PRKG1: variants seen among roughly 807,000 people sequenced by gnomAD.
PRKG1 encodes the protein protein kinase cGMP-dependent 1.
Under a neutral mutation model 88.1 loss-of-function variants are expected in PRKG1, and 35 were observed. The ratio of observed to expected loss-of-function variants is 0.40; its 90% confidence interval spans 0.30 to 0.53. The LOEUF (loss-of-function observed/expected upper bound fraction) is 0.53, where lower values mean the gene tolerates loss of function less well. Ranked by LOEUF, PRKG1 falls within the 20% of genes least tolerant of loss-of-function variation. The pLI, the probability that PRKG1 is intolerant of heterozygous loss-of-function variation, is 0.59. For missense variants in PRKG1, 540 were observed against 839.8 expected (o/e 0.64, Z 4.41); for synonymous variants, 303 against 292.5 (o/e 1.04, Z -0.37).
chr10:51,150,219 C>T (rs1046590249), intron 1 of PRKG1, among the ~76,000 whole-genome samples: 3 of 151,980 alleles, frequency 2.0e-5, no homozygotes, highest in African/African-American at 7.2e-5. Flanking sequence ...CTTGTGATAT[C>T]GGCTTTCCCC....
At chr10:51,996,531 G>A (rs909792100) in intron 5 of PRKG1, among the ~76,000 whole-genome samples, 2 of 151,956 alleles carry the variant, frequency 1.3e-5, no homozygotes, top group African/African-American at 2.4e-5. Context: ...TGAAATGAAT[G>A]CTTAACTACT....
intron 7 of PRKG1, among the ~76,000 whole-genome samples, chr10:52,075,722 G>A (rs1846611804): frequency 6.6e-6 from 1 of 152,194 alleles, no homozygotes; most frequent in African/African-American, 2.4e-5. Context: ...AGGTCAAGAT[G>A]CTAACATTGT....
intron 7 of PRKG1, among the ~76,000 whole-genome samples, chr10:52,122,869 A>G (rs1353265814): frequency 6.6e-6 from 1 of 152,240 alleles, no homozygotes; most frequent in Non-Finnish European, 1.5e-5. Flanking sequence ...ATTCATTCAA[A>G]TGTGGAATAT....
intron 4 of PRKG1, among the ~76,000 whole-genome samples, chr10:51,829,855 T>C (rs1350628637): frequency 6.6e-6 from 1 of 152,214 alleles, no homozygotes; most frequent in Non-Finnish European, 1.5e-5. Flanking sequence ...ACCCTACCAC[T>C]GTCTTGTTCC....
chr10:51,205,667 C>G (rs568055404), intron 2 of PRKG1, among the ~76,000 whole-genome samples: 18 of 152,024 alleles, frequency 1.2e-4, no homozygotes, highest in African/African-American at 4.1e-4. Flanking sequence ...TCCTGAGTAG[C>G]TGGGACTAGA....
chr10:52,154,657 A>T lies in PRKG1; in HGVS notation c.1002-7232A>T, dbSNP rs914468555. On this transcript the variant is annotated intron_variant, in intron 8 of 17. Transcript: ENST00000373980. ...TATTAAGATGCATATATTCCTTTTT[A>T]TTTCAATATTTTTGGAGTACAGGTG... is the stretch of plus-strand genomic sequence containing the variant. Among the ~76,000 whole-genome samples, 3 of 151,994 alleles carry T rather than the reference A, an allele frequency of 2.0e-5. No individual in the cohort carries two copies. In the East Asian group the frequency reaches 5.8e-4, roughly 29 times the overall value.
At position 52,297,390 on chromosome 10, in the gene PRKG1, A is replaced by C. The variant is rs1167394220; in HGVS notation, c.*3490A>C. On this transcript the variant is annotated 3_prime_UTR_variant, in exon 18 of 18. Transcript: ENST00000373980. ...TTCATGGCATCCTATTAAAAAAACAAATTTGGTGTTATGCTGCATGACAAA... is the reference window on the plus strand; with the variant it reads ...TTCATGGCATCCTATTAAAAAAACACATTTGGTGTTATGCTGCATGACAAA... 2.0e-5 allele frequency: 3 copies of C among 152,134 alleles called. No individual in the cohort carries two copies. Among genetic ancestry groups the C allele is most frequent in the Non-Finnish European group, 4.4e-5 (3 of 68,014 alleles). The allele number at this position is 152,134 out of a possible 1,614,324, so 9.4% of individuals were successfully genotyped here.
rs142098857 is a variant in PRKG1, at chr10:51,466,845, G to A, written c.479-878G>A. Among the ~76,000 whole-genome samples the A allele has an allele frequency of 5.0e-3, 759 of 152,126 alleles. 3 individuals carry two copies. The highest frequency in any genetic ancestry group is 0.017 in the African/African-American group (722 of 41,548). ...AAACACAAGCTAACTCTCTTGCCAG[G>A]CATTAAGCTTCTCTTCTGTAGACTG... On this transcript the variant is annotated intron_variant, in intron 2 of 17. Coordinates refer to ENST00000373980, the MANE Select transcript of PRKG1 (RefSeq NM_006258.4).
At chr10:51,190,763 C>T (rs918838464) in intron 2 of PRKG1, among the ~76,000 whole-genome samples, 8 of 151,896 alleles carry the variant, frequency 5.3e-5, no homozygotes, top group Admixed American at 1.3e-4. Context: ...TGCCACTGAT[C>T]GACAGTGAAG....
rs1025978814 is a variant in PRKG1, at chr10:51,568,279, G to A, written c.592+100443G>A. ...GATTCAAATGCATATATAGTGCAGG[G>A]AATACATTTCTTAATTTGATTGATG... On this transcript the variant is annotated intron_variant, in intron 3 of 17. Coordinates refer to ENST00000373980, the MANE Select transcript of PRKG1 (RefSeq NM_006258.4). 2.0e-5 allele frequency: 3 copies of A among 152,188 alleles called. 1 individual carries two copies. Among genetic ancestry groups the A allele is most frequent in the Middle Eastern group, 6.8e-3 (2 of 294 alleles). 9.4% of individuals were successfully genotyped at this position (152,188 alleles called of 1,614,324 possible).
intron 3 of PRKG1, among the ~76,000 whole-genome samples, chr10:51,650,232 T>C (rs1237618519): frequency 6.6e-6 from 1 of 152,186 alleles, no homozygotes; most frequent in African/African-American, 2.4e-5. Flanking sequence ...ACTTGTTTTC[T>C]CTTCAGTCCA....
intron 4 of PRKG1, among the ~76,000 whole-genome samples, chr10:51,874,394 G>A (rs1277897838): frequency 2.6e-5 from 4 of 152,200 alleles, no homozygotes; most frequent in South Asian, 4.1e-4. Flanking sequence ...CATGAAAGCC[G>A]AGAAGTAGTA....
intron 1 of PRKG1, among the ~76,000 whole-genome samples, chr10:51,045,997 A>G (rs1843484041): frequency 6.6e-6 from 1 of 152,256 alleles, no homozygotes; most frequent in African/African-American, 2.4e-5. Context: ...CTACTCTTTT[A>G]CTAAGCAATG....
chr10:51,116,100 C>G (rs190215271), intron 1 of PRKG1, among the ~76,000 whole-genome samples: 1 of 151,978 alleles, frequency 6.6e-6, no homozygotes, highest in South Asian at 2.1e-4. Flanking sequence ...CTCTGCCAGT[C>G]GGTAACTAAT....
At chr10:52,094,166 C>T (rs959970931) in intron 7 of PRKG1, among the ~76,000 whole-genome samples, 2 of 151,962 alleles carry the variant, frequency 1.3e-5, no homozygotes, top group Non-Finnish European at 1.5e-5. Context: ...GGTAAATATT[C>T]TTGTAGTTGT....
intron 9 of PRKG1, among the ~76,000 whole-genome samples, chr10:52,224,590 G>T (rs57202857): frequency 2.8e-4 from 26 of 91,974 alleles, no homozygotes; most frequent in Admixed American, 1.2e-3. Flanking sequence ...TCTATCCTTC[G>T]CCCCACCTCC....
intron 1 of PRKG1, among the ~76,000 whole-genome samples, chr10:51,040,182 A>T (rs1197096993): frequency 6.8e-6 from 1 of 147,548 alleles, no homozygotes; most frequent in Non-Finnish European, 1.5e-5. Context: ...GGACATTTTA[A>T]CAATGTTGAT....
chr10:51,007,710 C>T (rs563356591), intron 1 of PRKG1, among the ~76,000 whole-genome samples: 6 of 152,328 alleles, frequency 3.9e-5, no homozygotes, highest in African/African-American at 1.4e-4. Context: ...CTGTTGTAAG[C>T]ATGCCCTAAA....
intron 3 of PRKG1, among the ~76,000 whole-genome samples, chr10:51,597,638 AAGC>A (rs1312389046): frequency 2.6e-5 from 4 of 152,318 alleles, no homozygotes; most frequent in Admixed American, 2.6e-4. Context: ...TACACTTCAG[AAGC>A]TTCCATACAG....
Sources: allele counts gnomAD v4.1 joint callset (sites outside exome capture counted in the v4.1 genomes callset), GRCh38; gene constraint gnomAD v4.1.1; transcripts MANE v1.5; gene names NCBI Gene and HGNC (gene_info 2026-07-23, HGNC 2026-07-21).